FAM171A1: variants seen among roughly 807,000 people sequenced by gnomAD.
FAM171A1 encodes the protein family with sequence similarity 171 member A1.
FAM171A1 carries 23 observed loss-of-function variants against 74.9 expected under a neutral mutation model. That is an observed-to-expected ratio of 0.31 (90% CI 0.22 to 0.44). The LOEUF (loss-of-function observed/expected upper bound fraction) is 0.44, where lower values mean the gene tolerates loss of function less well. FAM171A1 is among the 20% of genes least tolerant of loss of function. The pLI is 1.00. For synonymous variants in FAM171A1, 527 were observed against 505.7 expected, an observed-to-expected ratio of 1.04 and a Z score of -0.57; for missense variants, 1,162 against 1,159.2, an observed-to-expected ratio of 1.00 and a Z score of -0.03.
chr10:15,332,567 T>G (rs1262259413), intron 1 of FAM171A1, among the ~76,000 whole-genome samples: 1 of 152,196 alleles, frequency 6.6e-6, no homozygotes, highest in Non-Finnish European at 1.5e-5. Context: ...GAAGCAACGA[T>G]AGAAATAAAA....
intron 1 of FAM171A1, among the ~76,000 whole-genome samples, chr10:15,343,820 A>G (rs992394974): frequency 1.6e-4 from 19 of 120,744 alleles, no homozygotes; most frequent in African/African-American, 5.9e-4. Flanking sequence ...CTCAAAATAA[A>G]ATAAAATGCT....
intron 3 of FAM171A1, among the ~76,000 whole-genome samples, chr10:15,260,119 G>A (rs1008292000): frequency 6.6e-6 from 1 of 152,014 alleles, no homozygotes; most frequent in Non-Finnish European, 1.5e-5. Flanking sequence ...GAACCACCAC[G>A]CCTGGCCTCT....
chr10:15,226,201 T>C (rs550254503), intron 5 of FAM171A1, among the ~76,000 whole-genome samples: 1 of 152,274 alleles, frequency 6.6e-6, no homozygotes, highest in South Asian at 2.1e-4. Flanking sequence ...CCACTGCAGC[T>C]GCGCCAACCT....
Position 15,268,447 on chromosome 10 carries a change from G to A in FAM171A1, c.418+7408C>T, listed in dbSNP as rs1037746647. Among the ~76,000 whole-genome samples, 8 of 152,090 alleles carry A rather than the reference G, an allele frequency of 5.3e-5. No individual in the cohort carries two copies. In the South Asian group the frequency reaches 1.5e-3, roughly 28 times the overall value. ...AGAGAAGAATCAAGGACAATTCCTC[G>A]AGTTTTGGCCTGAGTTTATAGTGGT... On this transcript the variant is annotated intron_variant, in intron 3 of 7. Transcript: ENST00000378116.
chr10:15,268,162 A>C (rs1834772191), intron 3 of FAM171A1, among the ~76,000 whole-genome samples: 1 of 152,202 alleles, frequency 6.6e-6, no homozygotes, highest in East Asian at 1.9e-4. Flanking sequence ...CCAGAGGCCC[A>C]GGGCCAGGGG....
At position 15,371,243 on chromosome 10, in the gene FAM171A1, CGCGGCG is replaced by C. The variant is rs559398047; in HGVS notation, c.-197_-192del. Among the ~76,000 whole-genome samples, 25 of 141,668 alleles carry C rather than the reference CGCGGCG, an allele frequency of 1.8e-4. No homozygotes were observed. The highest frequency in any genetic ancestry group is 8.9e-4 in the South Asian group (4 of 4,510). 92.9% of individuals were successfully genotyped at this position (141,668 alleles called of 152,430 possible). A position where few individuals can be genotyped will look rare whatever the true frequency, so the allele number is the denominator to read the frequency against. On this transcript the variant is annotated 5_prime_UTR_variant, in exon 1 of 8. Coordinates refer to ENST00000378116, the MANE Select transcript of FAM171A1 (RefSeq NM_001010924.2). The stretch of plus-strand genomic sequence containing the variant: ...CCCGCGCCGGGTTTCCCCGAAGAGC[CGCGGCG>C]GCGGCGGCGGCGGCGGCTGCTGCTG...
At position 15,213,675 on chromosome 10, in the gene FAM171A1, A is replaced by AGGGGCT; in HGVS notation, c.1907_1912dup (p.Gln636_Pro637dup). On this transcript the variant is annotated inframe_insertion, in exon 8 of 8. Transcript: ENST00000378116. The surrounding 1 kb of genome is among the most constrained non-coding windows in gnomAD (Gnocchi z 6.8). ...CTGCTGAGAGATGGCCTGGGAAGAC[A>AGGGGCT]GGGGCTGGGGCTGGATCTGTGAGGA... is the stretch of plus-strand genomic sequence containing the variant. 6.2e-7 allele frequency: 1 copy of AGGGGCT among 1,613,400 alleles called. No individual in the cohort carries two copies. The highest frequency in any genetic ancestry group is 1.3e-5 in the African/African-American group (1 of 75,044).
At chr10:15,215,873 G>T in intron 7 of FAM171A1, 123 bp downstream of exon 7, 1 of 600,784 alleles carries the variant, frequency 1.7e-6, no homozygotes. Context: ...TTCATGGGAA[G>T]AAAAAGTACT....
chr10:15,241,813 T>G (rs1834367769), intron 5 of FAM171A1: 1 of 152,194 alleles, frequency 6.6e-6, no homozygotes, highest in African/African-American at 2.4e-5. Context: ...TAACAACAGT[T>G]AGCAGGCTTT....
chr10:15,227,951 C>T lies in FAM171A1; in HGVS notation c.755-6891G>A, dbSNP rs983776863. 3.2e-4 allele frequency among the ~76,000 whole-genome samples: 48 copies of T among 152,296 alleles called. 1 individual carries two copies. Among genetic ancestry groups the T allele is most frequent in the African/African-American group, 1.1e-3 (46 of 41,564 alleles). On this transcript the variant is annotated intron_variant, in intron 5 of 7. Coordinates refer to ENST00000378116, the MANE Select transcript of FAM171A1 (RefSeq NM_001010924.2). ...CTCCCAGCAATCGCCAAGTGTGCTG[C>T]TTTCCTGCTTGGTTACCAACCAGTA... is the stretch of plus-strand genomic sequence containing the variant.
chr10:15,277,658 T>A (rs1449098474), intron 2 of FAM171A1, among the ~76,000 whole-genome samples: 1 of 152,208 alleles, frequency 6.6e-6, no homozygotes, highest in Non-Finnish European at 1.5e-5. Flanking sequence ...TCTCAACCAC[T>A]ATGAGACATG....
chr10:15,368,038 T>G (rs1358793388), intron 1 of FAM171A1, among the ~76,000 whole-genome samples: 1 of 152,232 alleles, frequency 6.6e-6, no homozygotes, highest in Non-Finnish European at 1.5e-5. Flanking sequence ...GGGTCAATAC[T>G]TTTGAACAAC....
chr10:15,249,045 G>T lies in FAM171A1; in HGVS notation c.578-230C>A, dbSNP rs550149691. Among the ~76,000 whole-genome samples the T allele has an allele frequency of 2.0e-5, 3 of 151,988 alleles. No individual in the cohort carries two copies. In the East Asian group the frequency reaches 5.8e-4, roughly 29 times the overall value. The stretch of plus-strand genomic sequence containing the variant: ...GAGTAGTAATGGTAGGTGGCCTAAG[G>T]GCATACACTCAGTATGGGCTGAGCT... On this transcript the variant is annotated intron_variant, in intron 4 of 7. Transcript: ENST00000378116.
chr10:15,301,233 C>T (rs1032472791), intron 1 of FAM171A1, among the ~76,000 whole-genome samples: 9 of 152,070 alleles, frequency 5.9e-5, no homozygotes, highest in Non-Finnish European at 8.8e-5. Context: ...AGGGCAGTGG[C>T]GCGATCTCGG....
intron 3 of FAM171A1, among the ~76,000 whole-genome samples, chr10:15,264,296 A>G (rs1834708646): frequency 1.3e-5 from 2 of 152,146 alleles, no homozygotes. Flanking sequence ...CTTTCTTTAT[A>G]AAACAGTGTC....
intron 1 of FAM171A1, among the ~76,000 whole-genome samples, chr10:15,314,423 C>T (rs1835399188): frequency 6.6e-6 from 1 of 152,140 alleles, no homozygotes; most frequent in Non-Finnish European, 1.5e-5. Context: ...TGAGGCTGGC[C>T]ATACGGGGAA....
chr10:15,213,502 G>C lies in FAM171A1; in HGVS notation c.2086C>G (p.Leu696Val), dbSNP rs1272294046. 1 of 1,614,102 alleles carries C rather than the reference G, an allele frequency of 6.2e-7. No individual in the cohort carries two copies. The highest frequency in any genetic ancestry group is 2.2e-5 in the East Asian group (1 of 44,868). ...TGCGGAAGCGGCTTCCCACCCCCAAGCTCCATCAGGGCCTTTTCAGTCAGG... is the reference window on the plus strand; with the variant it reads ...TGCGGAAGCGGCTTCCCACCCCCAACCTCCATCAGGGCCTTTTCAGTCAGG... ...QLLTEKALME[L>V]GGGKPLPHPR... is the part of the protein sequence containing the mutation. Residue 696 changes from leucine to valine, a missense_variant, in exon 8 of 8, where the codon CTT (leucine) becomes GTT (valine). Physicochemically the swap from Leu to Val is conservative, Grantham distance 32. Transcript: ENST00000378116. The surrounding 1 kb of genome is among the most constrained non-coding windows in gnomAD (Gnocchi z 6.8).
chr10:15,212,707 G>A lies in FAM171A1; in HGVS notation c.*208C>T. 2 of 702,160 alleles carry A rather than the reference G, an allele frequency of 2.8e-6. No individual in the cohort carries two copies. The highest frequency in any genetic ancestry group is 4.5e-6 in the Non-Finnish European group (2 of 439,904). The allele number at this position is 702,160 out of a possible 1,614,324, so 43.5% of individuals were successfully genotyped here. A position where few individuals can be genotyped will look rare whatever the true frequency, so the allele number is the denominator to read the frequency against. ...ACCACTTTCAGCCACCTCCTTGCAGGGGCGACATCCGCCAAAGTCATCCTT... is the reference window on the plus strand; with the variant it reads ...ACCACTTTCAGCCACCTCCTTGCAGAGGCGACATCCGCCAAAGTCATCCTT... On this transcript the variant is annotated 3_prime_UTR_variant, in exon 8 of 8. Transcript: ENST00000378116.
intron 5 of FAM171A1, among the ~76,000 whole-genome samples, chr10:15,239,885 C>T (rs1834342189): frequency 6.6e-6 from 1 of 152,316 alleles, no homozygotes; most frequent in African/African-American, 2.4e-5. Context: ...TTATACTTAC[C>T]TGCTGAACAT....
Sources: allele counts gnomAD v4.1 joint callset (sites outside exome capture counted in the v4.1 genomes callset), GRCh38; gene constraint gnomAD v4.1.1; non-coding constraint Gnocchi (gnomAD v3.1); transcripts MANE v1.5; gene names NCBI Gene and HGNC (gene_info 2026-07-23, HGNC 2026-07-21).